MYRIP: variants seen among roughly 807,000 people sequenced by gnomAD.
MYRIP encodes the protein rab effector MyRIP.
Under a neutral mutation model 98.0 loss-of-function variants are expected in MYRIP, and 49 were observed. The observed-to-expected ratio is 0.50, with a 90% CI of 0.40 to 0.63. The LOEUF (loss-of-function observed/expected upper bound fraction) is 0.63, where lower values mean the gene tolerates loss of function less well. Among genes scored for constraint, MYRIP ranks in the 30% least tolerant of loss-of-function variants. The probability of loss-of-function intolerance (pLI) is 0.00; values close to 1 mark genes in which losing one functional copy is unlikely to be tolerated. For synonymous variants in MYRIP, 404 were observed against 409.5 expected (o/e 0.99, Z 0.16); for missense variants, 1,004 against 1,058.2 (o/e 0.95, Z 0.71).
chr3:39,886,678 G>T (rs1406888463), intron 1 of MYRIP, among the ~76,000 whole-genome samples: 2 of 152,016 alleles, frequency 1.3e-5, no homozygotes, highest in Middle Eastern at 3.4e-3. Context: ...GGAGCATCCA[G>T]ATTCATAAAG....
intron 2 of MYRIP, among the ~76,000 whole-genome samples, chr3:39,999,942 T>C (rs1012743774): frequency 7.5e-5 from 11 of 146,738 alleles, no homozygotes; most frequent in African/African-American, 1.5e-4. Context: ...AACCAAACAC[T>C]GCATGTTCTC....
At chr3:40,095,938 CAT>C (rs1290278454) in intron 3 of MYRIP, among the ~76,000 whole-genome samples, 2 of 151,630 alleles carry the variant, frequency 1.3e-5, no homozygotes, top group African/African-American at 4.8e-5. Context: ...CACACACACA[CAT>C]CCCCATTTCT....
chr3:40,080,791 C>CTTTTTTTTTTTTTTTT (rs34610302), intron 3 of MYRIP, among the ~76,000 whole-genome samples: 1 of 93,840 alleles, frequency 1.1e-5, no homozygotes, highest in Non-Finnish European at 2.1e-5. Context: ...ATCCTAACTT[C>CTTTTTTTTTTTTTTTT]TTTTTTTTTT....
At chr3:39,964,157 A>G (rs1945387188) in intron 2 of MYRIP, among the ~76,000 whole-genome samples, 1 of 152,082 alleles carries the variant, frequency 6.6e-6, no homozygotes, top group African/African-American at 2.4e-5. Flanking sequence ...CATCTTCTTT[A>G]TCTTTCTTTT....
intron 2 of MYRIP, among the ~76,000 whole-genome samples, chr3:39,959,891 C>T (rs551136835): frequency 1.9e-4 from 29 of 152,088 alleles, no homozygotes; most frequent in African/African-American, 6.0e-4. Context: ...CCATGGTGTT[C>T]GTGATTCCTT....
At chr3:39,941,029 T>C (rs967672076) in intron 2 of MYRIP, among the ~76,000 whole-genome samples, 6 of 152,196 alleles carry the variant, frequency 3.9e-5, no homozygotes, top group African/African-American at 1.2e-4. Flanking sequence ...ATGAAAAAGG[T>C]AAATAAAATC....
intron 8 of MYRIP, among the ~76,000 whole-genome samples, chr3:40,177,675 A>G (rs1252439960): frequency 6.6e-6 from 1 of 152,162 alleles, no homozygotes; most frequent in Non-Finnish European, 1.5e-5. Flanking sequence ...AAGCCTTAAG[A>G]CGCAATATCC....
chr3:40,210,751 C>T (rs113865972), intron 11 of MYRIP, among the ~76,000 whole-genome samples: 2 of 152,230 alleles, frequency 1.3e-5, no homozygotes, highest in South Asian at 2.1e-4. Context: ...CCCAGTAGGC[C>T]CCTGAGTTCC....
At chr3:39,913,801 A>G (rs9828658) in intron 2 of MYRIP, among the ~76,000 whole-genome samples, 7 of 152,196 alleles carry the variant, frequency 4.6e-5, no homozygotes, top group African/African-American at 1.7e-4. Context: ...GCACGAGGAC[A>G]ATAACTGCTA....
chr3:40,069,828 C>T (rs72871488), intron 3 of MYRIP, among the ~76,000 whole-genome samples: 2,238 of 152,256 alleles, frequency 0.015, 16 homozygotes, highest in Middle Eastern at 0.044. Context: ...ACAACCAGTT[C>T]GTGCTCCTAG....
At chr3:40,003,361 G>A (rs546743526) in intron 2 of MYRIP, among the ~76,000 whole-genome samples, 5 of 152,182 alleles carry the variant, frequency 3.3e-5, no homozygotes, top group Non-Finnish European at 7.4e-5. Context: ...ACAGATTTGT[G>A]AAGAAGACCC....
intron 8 of MYRIP, among the ~76,000 whole-genome samples, chr3:40,172,606 TC>T: frequency 6.6e-6 from 1 of 152,280 alleles, no homozygotes; most frequent in African/African-American, 2.4e-5. Flanking sequence ...CTTCAAGGTA[TC>T]CCCTGTGAGT....
intron 2 of MYRIP, among the ~76,000 whole-genome samples, chr3:39,995,867 G>A (rs926319292): frequency 3.3e-5 from 5 of 152,148 alleles, no homozygotes; most frequent in Non-Finnish European, 1.5e-5. Context: ...CCAGAAGAGA[G>A]TGGGGGCCAA....
chr3:39,993,687 C>T (rs1315419115), intron 2 of MYRIP, among the ~76,000 whole-genome samples: 1 of 152,196 alleles, frequency 6.6e-6, no homozygotes, highest in African/African-American at 2.4e-5. Context: ...CGGAGACAAA[C>T]TGCTTTATCT....
intron 2 of MYRIP, among the ~76,000 whole-genome samples, chr3:40,001,815 G>A (rs575461167): frequency 2.6e-5 from 4 of 152,294 alleles, no homozygotes; most frequent in Middle Eastern, 6.8e-3. Context: ...AGCTTGAACC[G>A]GGATAGTGAT....
intron 1 of MYRIP, among the ~76,000 whole-genome samples, chr3:39,896,598 C>A (rs1225049337): frequency 1.3e-5 from 2 of 152,136 alleles, no homozygotes; most frequent in Non-Finnish European, 2.9e-5. Flanking sequence ...CAGTTCTAAC[C>A]TAAACCCACC....
chr3:40,129,063 C>G (rs1048481763), intron 3 of MYRIP, among the ~76,000 whole-genome samples: 3 of 151,676 alleles, frequency 2.0e-5, no homozygotes, highest in South Asian at 2.1e-4. Flanking sequence ...TTCCTTAAAA[C>G]AAAAATGACA....
intron 3 of MYRIP, among the ~76,000 whole-genome samples, chr3:40,066,537 ACTC>A (rs1223444456): frequency 6.6e-6 from 1 of 152,126 alleles, no homozygotes; most frequent in Admixed American, 6.5e-5. Flanking sequence ...ATGACTTAAA[ACTC>A]CTGACACAAA....
At chr3:40,154,416 A>C (rs572856447) in intron 4 of MYRIP, among the ~76,000 whole-genome samples, 7 of 152,362 alleles carry the variant, frequency 4.6e-5, no homozygotes, top group African/African-American at 1.7e-4. Flanking sequence ...GAAATGAGCA[A>C]GACCCTGCCA....
Sources: allele counts gnomAD v4.1 joint callset (sites outside exome capture counted in the v4.1 genomes callset), GRCh38; gene constraint gnomAD v4.1.1; transcripts MANE v1.5; gene names NCBI Gene and HGNC (gene_info 2026-07-23, HGNC 2026-07-21).